The following FGF12 variants were observed in gnomAD, a reference collection of about 807,000 sequenced individuals.
FGF12 encodes fibroblast growth factor 12B.
Under a neutral mutation model 23.6 loss-of-function variants are expected in FGF12, and 14 were observed. The observed-to-expected ratio is 0.59, with a 90% CI of 0.39 to 0.93. FGF12 has a LOEUF of 0.93. Ranked by LOEUF, FGF12 falls within the 40% of genes least tolerant of loss-of-function variation. The pLI is 0.00. For missense variants in FGF12, 175 were observed against 217.8 expected, an observed-to-expected ratio of 0.80 and a Z score of 1.24; for synonymous variants, 62 against 77.3, an observed-to-expected ratio of 0.80 and a Z score of 1.04.
rs1217285720 is a variant in FGF12, at chr3:192,614,843, A to AC, written c.13+112337_13+112338insG. ...AAAAATCCCATCTACCGCAATCTCT[A>AC]GACAGAGGAGCACTTCCAGCCTTCT... On this transcript the variant is annotated intron_variant, in intron 2 of 5. Transcript: ENST00000445105. Among the ~76,000 whole-genome samples the AC allele has an allele frequency of 2.6e-5, 4 of 152,024 alleles. No individual in the cohort carries two copies. The East Asian group carries it at 7.7e-4, about 29-fold the overall frequency.
chr3:192,482,747 G>A (rs1337399863), intron 2 of FGF12, among the ~76,000 whole-genome samples: 1 of 151,924 alleles, frequency 6.6e-6, no homozygotes, highest in Non-Finnish European at 1.5e-5. Context: ...ACTTTCTGAG[G>A]CACTCCCTTC....
chr3:192,439,892 C>T (rs1722150050), intron 2 of FGF12, among the ~76,000 whole-genome samples: 1 of 151,136 alleles, frequency 6.6e-6, no homozygotes, highest in Non-Finnish European at 1.5e-5. Context: ...CAGAGAACTG[C>T]TTGAACCCGG....
rs1289295941 is a variant in FGF12, at chr3:192,173,472, A to G, written c.229-2816T>C. Among the ~76,000 whole-genome samples the G allele has an allele frequency of 2.2e-5, 3 of 139,484 alleles. No homozygotes were observed. The East Asian group carries it at 6.2e-4, about 29-fold the overall frequency. The allele number at this position is 139,484 out of a possible 152,430, so 91.5% of individuals were successfully genotyped here. Reference sequence around the variant, plus strand: ...GGACAGAGTTTAGTCATTGCCAAGTATATGGATAAAAGTAACTCAGATTCA... The same window carrying G: ...GGACAGAGTTTAGTCATTGCCAAGTGTATGGATAAAAGTAACTCAGATTCA... On this transcript the variant is annotated intron_variant, in intron 4 of 5. Coordinates refer to ENST00000445105, the MANE Select transcript of FGF12 (RefSeq NM_004113.6).
chr3:192,272,355 T>A (rs1467942219), intron 4 of FGF12, among the ~76,000 whole-genome samples: 1 of 152,174 alleles, frequency 6.6e-6, no homozygotes, highest in Non-Finnish European at 1.5e-5. Flanking sequence ...TATTTTCATA[T>A]TATCTGATTT....
intron 4 of FGF12, among the ~76,000 whole-genome samples, chr3:192,279,309 T>C (rs1343107440): frequency 1.3e-5 from 2 of 150,768 alleles, no homozygotes; most frequent in African/African-American, 4.9e-5. Context: ...CTCTGTGAGA[T>C]AAATATGTCT....
intron 2 of FGF12, among the ~76,000 whole-genome samples, chr3:192,400,988 C>T (rs1364343490): frequency 2.6e-5 from 4 of 152,062 alleles, no homozygotes; most frequent in African/African-American, 9.7e-5. Context: ...TTGAGTACCC[C>T]GAAGAGCTTT....
chr3:192,417,477 A>G (rs769033016), intron 2 of FGF12, among the ~76,000 whole-genome samples: 4 of 152,112 alleles, frequency 2.6e-5, no homozygotes, highest in Admixed American at 6.6e-5. Flanking sequence ...TGTTTGGAAT[A>G]TAAGATAGAC....
chr3:192,581,284 A>C (rs1237372180), intron 2 of FGF12, among the ~76,000 whole-genome samples: 1 of 151,954 alleles, frequency 6.6e-6, no homozygotes, highest in African/African-American at 2.4e-5. Flanking sequence ...ATCTTAATAC[A>C]GCCGGGCATA....
intron 2 of FGF12, among the ~76,000 whole-genome samples, chr3:192,652,550 C>T (rs1276535169): frequency 6.6e-6 from 1 of 152,170 alleles, no homozygotes; most frequent in Admixed American, 6.5e-5. Flanking sequence ...CTCTTGGCTT[C>T]GGAATATCCT....
intron 2 of FGF12, among the ~76,000 whole-genome samples, chr3:192,383,161 A>T (rs1719898098): frequency 1.3e-5 from 2 of 152,200 alleles, no homozygotes; most frequent in African/African-American, 4.8e-5. Flanking sequence ...ATTTCCCCCA[A>T]ACTAACATAT....
At chr3:192,531,560 C>T (rs979293517) in intron 2 of FGF12, among the ~76,000 whole-genome samples, 6 of 151,894 alleles carry the variant, frequency 4.0e-5, no homozygotes, top group African/African-American at 9.7e-5. Context: ...TTCTTTTTCT[C>T]CGGTCAGAAC....
intron 3 of FGF12, among the ~76,000 whole-genome samples, chr3:192,348,975 T>C (rs1371922074): frequency 6.6e-6 from 1 of 152,180 alleles, no homozygotes; most frequent in Non-Finnish European, 1.5e-5. Flanking sequence ...AAGTCATAGA[T>C]TAAGAAATAA....
At chr3:192,355,804 C>T (rs1718448269) in intron 3 of FGF12, among the ~76,000 whole-genome samples, 1 of 152,166 alleles carries the variant, frequency 6.6e-6, no homozygotes, top group African/African-American at 2.4e-5. Flanking sequence ...GCAGCAGCCA[C>T]CCACATAATC....
chr3:192,620,653 G>C (rs1200821518), intron 2 of FGF12, among the ~76,000 whole-genome samples: 1 of 152,050 alleles, frequency 6.6e-6, no homozygotes, highest in African/African-American at 2.4e-5. Context: ...TCATTCACTA[G>C]ACTCACTCTT....
At chr3:192,305,679 A>AAAAATATATATATATATATAT (rs1423738741) in intron 4 of FGF12, among the ~76,000 whole-genome samples, 11 of 131,928 alleles carry the variant, frequency 8.3e-5, no homozygotes, top group South Asian at 5.2e-4. Context: ...AAAAAAAAAA[A>AAAAATATATATATATATATAT]ATATATATAT....
intron 2 of FGF12, among the ~76,000 whole-genome samples, chr3:192,418,108 A>C (rs1032507026): frequency 2.0e-5 from 3 of 152,070 alleles, no homozygotes; most frequent in Non-Finnish European, 2.9e-5. Flanking sequence ...AGTTATGTAG[A>C]TGTTAGATGC....
chr3:192,204,581 T>C (rs1048539107), intron 4 of FGF12, among the ~76,000 whole-genome samples: 5 of 151,948 alleles, frequency 3.3e-5, no homozygotes, highest in East Asian at 3.9e-4. Flanking sequence ...ATATCAGGAG[T>C]TCACTTTCAG....
chr3:192,295,431 T>G (rs1230954039), intron 4 of FGF12, among the ~76,000 whole-genome samples: 2 of 152,214 alleles, frequency 1.3e-5, no homozygotes, highest in African/African-American at 4.8e-5. Flanking sequence ...CAGTATGGAC[T>G]TCAGATGCCT....
chr3:192,625,625 A>G (rs1350788638), intron 2 of FGF12, among the ~76,000 whole-genome samples: 2 of 152,156 alleles, frequency 1.3e-5, no homozygotes, highest in Admixed American at 1.3e-4. Context: ...TTAAAAACTG[A>G]GCAAATACAT....
Sources: allele counts gnomAD v4.1 joint callset (sites outside exome capture counted in the v4.1 genomes callset), GRCh38; gene constraint gnomAD v4.1.1; transcripts MANE v1.5; gene names NCBI Gene and HGNC (gene_info 2026-07-23, HGNC 2026-07-21).